GSTA4: variants seen among roughly 807,000 people sequenced by gnomAD.
The protein encoded by GSTA4 is glutathione S-transferase A4.
Under a neutral mutation model 24.4 loss-of-function variants are expected in GSTA4, and 15 were observed. That is an observed-to-expected ratio of 0.61 (90% CI 0.41 to 0.95). GSTA4 has a LOEUF of 0.95. GSTA4 is among the 40% of genes least tolerant of loss of function. The pLI is 0.00. For missense variants in GSTA4, 244 were observed against 262.1 expected (o/e 0.93, Z 0.48); for synonymous variants, 92 against 94.2 (o/e 0.98, Z 0.13).
At chr6:52,981,197 G>A (rs974309868) in intron 6 of GSTA4, among the ~76,000 whole-genome samples, 2 of 152,154 alleles carry the variant, frequency 1.3e-5, no homozygotes, top group African/African-American at 4.8e-5. Context: ...TTTTCTGGGT[G>A]TACTTATTGA....
intron 6 of GSTA4, among the ~76,000 whole-genome samples, chr6:52,980,129 A>T (rs769309313): frequency 6.6e-6 from 1 of 152,196 alleles, no homozygotes. Context: ...AGTATCATCA[A>T]TGTAAAATAC....
intron 3 of GSTA4, 144 bp downstream of exon 3, chr6:52,987,213 A>G: frequency 1.6e-6 from 1 of 619,782 alleles, no homozygotes; most frequent in South Asian, 2.2e-5. Flanking sequence ...GGCAATTTCA[A>G]CTATTTATTC....
At chr6:52,991,969 C>G (rs1763670328) in intron 2 of GSTA4, among the ~76,000 whole-genome samples, 1 of 152,062 alleles carries the variant, frequency 6.6e-6, no homozygotes, top group South Asian at 2.1e-4. Context: ...GTTGGTCAGG[C>G]TGGTCTCGAA....
intron 1 of GSTA4, 88 bp from the exon 2 acceptor site, chr6:52,994,349 A>G: frequency 1.6e-6 from 1 of 635,980 alleles, no homozygotes; most frequent in Admixed American, 2.6e-5. Context: ...ATGAATATTC[A>G]GGATTTTGGC....
chr6:52,994,470 T>A, intron 1 of GSTA4: 1 of 504,678 alleles, frequency 2.0e-6, no homozygotes, highest in African/African-American at 1.9e-5. Context: ...GATTTCTATT[T>A]ATGACTTCTT....
intron 5 of GSTA4, among the ~76,000 whole-genome samples, chr6:52,983,133 A>G (rs990514565): frequency 6.6e-6 from 1 of 152,204 alleles, no homozygotes; most frequent in Non-Finnish European, 1.5e-5. Context: ...GTGATAGATC[A>G]TCTTCAAGGG....
Position 52,982,658 on chromosome 6 carries a change from G to T in GSTA4, c.462C>A (p.Ser154Arg), listed in dbSNP as rs938583822. 10 of 1,609,994 alleles carry T rather than the reference G, an allele frequency of 6.2e-6. No homozygotes were observed. Among genetic ancestry groups the T allele is most frequent in the Non-Finnish European group, 7.7e-6 (9 of 1,176,442 alleles). ...GQSFLVGNQL[S>R]LADVILLQTI... ...TTTGGAGTAAAATCACATCTGCAAG[G>T]CTCAGCTGATTACCAACAAGAAAGC... Residue 154 changes from serine to arginine, a missense_variant, in exon 6 of 7, where the codon AGC becomes AGA. Transcript: ENST00000370963.
At chr6:52,984,830 GCTCT>G (rs1208542255) in intron 4 of GSTA4, among the ~76,000 whole-genome samples, 1 of 152,070 alleles carries the variant, frequency 6.6e-6, no homozygotes, top group East Asian at 1.9e-4. Context: ...AGTCATGAGT[GCTCT>G]CTCTCCTGGC....
chr6:52,982,352 TAA>T (rs67390777), intron 6 of GSTA4, among the ~76,000 whole-genome samples: 11 of 150,362 alleles, frequency 7.3e-5, no homozygotes, highest in South Asian at 2.1e-4. Flanking sequence ...GATCCCACCT[TAA>T]AAAAAAAAAA....
At chr6:52,983,475 C>A (rs1763492281) in intron 5 of GSTA4, among the ~76,000 whole-genome samples, 1 of 152,204 alleles carries the variant, frequency 6.6e-6, no homozygotes, top group Non-Finnish European at 1.5e-5. Context: ...CTACTGGAGC[C>A]AGAGTGGCAT....
At chr6:52,986,678 C>G (rs1354003782) in intron 3 of GSTA4, among the ~76,000 whole-genome samples, 1 of 152,134 alleles carries the variant, frequency 6.6e-6, no homozygotes, top group Non-Finnish European at 1.5e-5. Context: ...TTAGCACATG[C>G]CTAGTGGCTT....
rs1042819478 is a variant in GSTA4, at chr6:52,982,731, T to C, written c.415-26A>G. ...CTGTAGGGAAATGGTGTGCATCAGT[T>C]ACAATATTCCACATGGAGAGAGTGA... On this transcript the variant is annotated intron_variant, in intron 5 of 6. Transcript: ENST00000370963. 3.1e-6 allele frequency: 5 copies of C among 1,592,226 alleles called. No individual in the cohort carries two copies. The East Asian group carries it at 8.9e-5, about 28-fold the overall frequency.
At chr6:52,984,683 CTTTTT>C in intron 4 of GSTA4, 78 bp from the exon 5 acceptor site, 7 of 789,056 alleles carry the variant, frequency 8.9e-6, no homozygotes, top group Admixed American at 3.1e-5. Flanking sequence ...ATTCAGAGTG[CTTTTT>C]TTTTTTTTTT....
At chr6:52,984,425 T>C in intron 5 of GSTA4, 39 bp downstream of exon 5, 2 of 1,574,212 alleles carry the variant, frequency 1.3e-6, no homozygotes. Context: ...TGGTTTGTGG[T>C]TTGGTTGCTC....
chr6:52,980,308 T>TG (rs1763425790), intron 6 of GSTA4, among the ~76,000 whole-genome samples: 1 of 80,704 alleles, frequency 1.2e-5, no homozygotes, highest in Non-Finnish European at 2.9e-5. Context: ...AAGATTTCAC[T>TG]TTGTTTTTTT....
At chr6:52,984,640 T>A in intron 4 of GSTA4, 35 bp from the exon 5 acceptor site, 1 of 1,565,956 alleles carries the variant, frequency 6.4e-7, no homozygotes, top group Non-Finnish European at 8.8e-7. Context: ...CAGTTTCTCC[T>A]CTCTTTGAAG....
intron 2 of GSTA4, among the ~76,000 whole-genome samples, chr6:52,989,470 T>C (rs1180156347): frequency 6.6e-6 from 1 of 151,842 alleles, no homozygotes; most frequent in Admixed American, 6.6e-5. Flanking sequence ...TTTGAAACAA[T>C]TCAGAAAAAA....
intron 2 of GSTA4, among the ~76,000 whole-genome samples, chr6:52,988,204 T>G (rs534429688): frequency 1.3e-5 from 2 of 151,890 alleles, no homozygotes; most frequent in Non-Finnish European, 2.9e-5. Flanking sequence ...CTGGGAAAAT[T>G]TAAGCATCAA....
At chr6:52,995,172 CT>C (rs1446980640) in intron 1 of GSTA4, 76 bp downstream of exon 1, 5 of 152,708 alleles carry the variant, frequency 3.3e-5, no homozygotes, top group Non-Finnish European at 5.8e-5. Context: ...GAGAGTGAGA[CT>C]CAGAGAGTAA....
Sources: gnomAD v4.1 joint callset for allele counts (sites outside exome capture counted in the v4.1 genomes callset) on GRCh38, gnomAD v4.1.1 for gene constraint, MANE v1.5 for transcripts, NCBI Gene and HGNC (gene_info 2026-07-23, HGNC 2026-07-21) for gene names.